The following OTOGL variants were observed in gnomAD, a reference collection of about 807,000 sequenced individuals.
OTOGL encodes the protein otogelin-like protein.
A neutral mutation model predicts 318.5 loss-of-function variants in OTOGL; 285 were observed. The ratio of observed to expected loss-of-function variants is 0.89; its 90% CI spans 0.81 to 0.99. The LOEUF (loss-of-function observed/expected upper bound fraction) is 0.99. Ranked by LOEUF, OTOGL falls within the 50% of genes least tolerant of loss-of-function variation. OTOGL has a pLI of 0.00. For synonymous variants in OTOGL, 987 were observed against 936.5 expected, an observed-to-expected ratio of 1.05 and a Z score of -0.99; for missense variants, 2,899 against 2,845.6, an observed-to-expected ratio of 1.02 and a Z score of -0.43.
intron 1 of OTOGL, among the ~76,000 whole-genome samples, chr12:80,124,424 T>C (rs1301741312): frequency 6.6e-6 from 1 of 152,244 alleles, no homozygotes; most frequent in East Asian, 1.9e-4. Flanking sequence ...AGTACCATGC[T>C]GTTTTGGTTA....
chr12:80,367,326 A>G (rs532029518), intron 53 of OTOGL, among the ~76,000 whole-genome samples: 3 of 152,118 alleles, frequency 2.0e-5, no homozygotes, highest in Admixed American at 6.6e-5. Context: ...GAGGAAGTTC[A>G]ATCATTAAAC....
intron 9 of OTOGL, among the ~76,000 whole-genome samples, chr12:80,237,894 C>A (rs933919924): frequency 3.3e-5 from 5 of 152,122 alleles, no homozygotes; most frequent in Non-Finnish European, 7.4e-5. Context: ...TGACTTCTGA[C>A]CATGCAAATC....
chr12:80,133,981 T>C (rs1204042909), intron 1 of OTOGL, among the ~76,000 whole-genome samples: 1 of 151,614 alleles, frequency 6.6e-6, no homozygotes, highest in Non-Finnish European at 1.5e-5. Flanking sequence ...CAAACAAAAT[T>C]AAAAGCTAAA....
At chr12:80,230,167 C>T (rs909264474) in intron 8 of OTOGL, among the ~76,000 whole-genome samples, 56 of 152,030 alleles carry the variant, frequency 3.7e-4, no homozygotes, top group African/African-American at 1.3e-3. Flanking sequence ...GTGTTTGAAC[C>T]ATAGGAATTC....
At chr12:80,347,314 C>T (rs191687356) in intron 44 of OTOGL, among the ~76,000 whole-genome samples, 60 of 152,016 alleles carry the variant, frequency 3.9e-4, no homozygotes, top group African/African-American at 1.3e-3. Flanking sequence ...CACCCCCCGA[C>T]GGGTTGTATG....
intron 1 of OTOGL, among the ~76,000 whole-genome samples, chr12:80,149,632 C>G (rs948135157): frequency 2.0e-5 from 3 of 152,284 alleles, no homozygotes; most frequent in Non-Finnish European, 1.5e-5. Context: ...TTTACCTAAG[C>G]AAGCCTGGGC....
At chr12:80,132,567 G>T (rs1182099212) in intron 1 of OTOGL, 1 of 152,164 alleles carries the variant, frequency 6.6e-6, no homozygotes, top group East Asian at 1.9e-4. Context: ...GTTTTAGACA[G>T]TGACTTTATA....
intron 1 of OTOGL, among the ~76,000 whole-genome samples, chr12:80,146,790 A>G (rs976123706): frequency 1.3e-5 from 2 of 150,144 alleles, no homozygotes; most frequent in Admixed American, 1.3e-4. Context: ...GTCTTGGGAG[A>G]GTGTATGTGT....
At chr12:80,145,061 T>C (rs1412209317) in intron 1 of OTOGL, among the ~76,000 whole-genome samples, 2 of 151,850 alleles carry the variant, frequency 1.3e-5, no homozygotes, top group Admixed American at 6.5e-5. Flanking sequence ...TTTAGTTTAA[T>C]TAGATCCCAT....
chr12:80,192,845 A>C (rs1592533290), intron 1 of OTOGL, among the ~76,000 whole-genome samples: 1 of 152,226 alleles, frequency 6.6e-6, no homozygotes, highest in Admixed American at 6.5e-5. Context: ...TAAAAATCCC[A>C]GAAGTAAGTA....
chr12:80,120,127 G>A (rs532802622), intron 1 of OTOGL, among the ~76,000 whole-genome samples: 1 of 151,862 alleles, frequency 6.6e-6, no homozygotes, highest in African/African-American at 2.4e-5. Flanking sequence ...TGTGTCTTTA[G>A]CTTGATTATT....
rs1467973613 is a variant in OTOGL, at chr12:80,336,967, C to T, written c.4823C>T (p.Pro1608Leu). 2 of 1,593,304 alleles carry T rather than the reference C, an allele frequency of 1.3e-6. No homozygotes were observed. The highest frequency in any genetic ancestry group is 1.7e-4 in the Middle Eastern group (1 of 6,046). ...TTTAAGAAGTTAAATGTGACAACAC[C>T]CATACATAAAATAATTGTCAATCGG... is the stretch of plus-strand genomic sequence containing the variant. ...LCFKKLNVTTPIHKIIVNRLA... is the reference protein window; with the variant it reads ...LCFKKLNVTTLIHKIIVNRLA... The change falls in exon 42 of 59, where the codon CCC becomes CTC. Residue 1608 changes from proline (P) to leucine (L), a missense_variant. Physicochemically the swap from Pro to Leu is moderately conservative, Grantham distance 98. Around this residue, in one of 3 missense-constraint regions of OTOGL, gnomAD observed 2,607 missense variants for 2,524.9 expected, o/e 1.03. Transcript: ENST00000547103.
chr12:80,137,885 C>T (rs1367044612), intron 1 of OTOGL, among the ~76,000 whole-genome samples: 4 of 152,094 alleles, frequency 2.6e-5, no homozygotes, highest in Non-Finnish European at 5.9e-5. Flanking sequence ...AAAAATGGAG[C>T]TCTAACCCGT....
intron 1 of OTOGL, among the ~76,000 whole-genome samples, chr12:80,120,419 C>G (rs1870420316): frequency 6.6e-6 from 1 of 151,744 alleles, no homozygotes; most frequent in South Asian, 2.1e-4. Context: ...AGTTACATAC[C>G]TGTTGTTATA....
At chr12:80,317,468 G>A (rs1447771763) in intron 32 of OTOGL, among the ~76,000 whole-genome samples, 1 of 152,020 alleles carries the variant, frequency 6.6e-6, no homozygotes, top group African/African-American at 2.4e-5. Context: ...GTGCAGCAGG[G>A]GAGAGATTTT....
In OTOGL at chr12:80,336,058, C is replaced by T. The variant is rs187941815; in HGVS notation, c.4518C>T (p.Asp1506=). Reference sequence around the variant, plus strand: ...ACTGGTCCCTTAATTGCCCAAAGGACGTGGAAATGCCTGACTGTGGTTTCC... The same window carrying T: ...ACTGGTCCCTTAATTGCCCAAAGGATGTGGAAATGCCTGACTGTGGTTTCC... ...LYNWSLNCPK[D]VEMPDCGFRG... The change falls in exon 39 of 59, where the codon GAC becomes GAT. Residue 1506 remains aspartate, a synonymous_variant. Coordinates refer to ENST00000547103, the MANE Select transcript of OTOGL (RefSeq NM_001378609.3). 81 of 1,598,576 alleles carry T rather than the reference C, an allele frequency of 5.1e-5. No homozygotes were observed. The African/African-American group carries it at 8.1e-4, about 16-fold the overall frequency.
intron 11 of OTOGL, among the ~76,000 whole-genome samples, chr12:80,250,161 G>C (rs559942808): frequency 6.6e-6 from 1 of 152,260 alleles, no homozygotes; most frequent in African/African-American, 2.4e-5. Context: ...GACCGGAGCT[G>C]TTCCTATTCG....
chr12:80,238,776 A>G lies in OTOGL; in HGVS notation c.818-75A>G, dbSNP rs11114359. ...TTTGACCAGGAAGTTTGTGTTGAAG[A>G]ACCATGTCTGTTTGTGGAAAATGAT... On this transcript the variant is annotated intron_variant, in intron 9 of 58. Coordinates refer to ENST00000547103, the MANE Select transcript of OTOGL (RefSeq NM_001378609.3). 10,676 of 1,324,628 alleles carry G rather than the reference A, an allele frequency of 8.1e-3. 710 individuals carry two copies. The African/African-American group carries it at 0.14, about 18-fold the overall frequency. The allele number at this position is 1,324,628 out of a possible 1,614,324, so 82.1% of individuals were successfully genotyped here.
chr12:80,129,785 C>A (rs1871124224), intron 1 of OTOGL, among the ~76,000 whole-genome samples: 1 of 152,028 alleles, frequency 6.6e-6, no homozygotes, highest in Non-Finnish European at 1.5e-5. Context: ...AATCTAAAAA[C>A]TTTTTTTTAA....
Sources: allele counts gnomAD v4.1 joint callset (sites outside exome capture counted in the v4.1 genomes callset), GRCh38; gene constraint gnomAD v4.1.1; regional missense constraint gnomAD v4.1.1; transcripts MANE v1.5; gene names NCBI Gene and HGNC (gene_info 2026-07-23, HGNC 2026-07-21).